Variants in CAMK2D observed in about 807,000 individuals in gnomAD.
CAMK2D encodes calcium/calmodulin dependent protein kinase II delta.
A neutral mutation model predicts 84.0 loss-of-function variants in CAMK2D; 37 were observed. The observed-to-expected ratio is 0.44, with a 90% confidence interval of 0.34 to 0.58. The LOEUF is 0.58. Ranked by LOEUF, CAMK2D falls within the 20% of genes least tolerant of loss-of-function variation. The pLI, the probability that CAMK2D is intolerant of heterozygous loss-of-function variation, is 0.02. For synonymous variants in CAMK2D, 202 were observed against 212.5 expected (o/e 0.95, Z 0.43); for missense variants, 448 against 652.5 (o/e 0.69, Z 3.41).
chr4:113,627,004 C>T (rs1015275996), intron 3 of CAMK2D, among the ~76,000 whole-genome samples: 1 of 152,024 alleles, frequency 6.6e-6, no homozygotes, highest in East Asian at 1.9e-4. Context: ...TAAGATTTTT[C>T]ATAGAGATTT....
chr4:113,719,803 G>GTACC (rs2099524823), intron 2 of CAMK2D, among the ~76,000 whole-genome samples: 1 of 152,064 alleles, frequency 6.6e-6, no homozygotes, highest in Non-Finnish European at 1.5e-5. Flanking sequence ...ATGAAGCCAA[G>GTACC]TACCTACTCA....
At chr4:113,509,580 T>TAAAG (rs1410288000) in intron 13 of CAMK2D, 58 bp downstream of exon 13, 2 of 1,075,990 alleles carry the variant, frequency 1.9e-6, no homozygotes, top group Admixed American at 3.5e-5. Context: ...ATATAACATT[T>TAAAG]AAAGATTATC....
At chr4:113,469,708 C>T (rs1188054516) in intron 16 of CAMK2D, among the ~76,000 whole-genome samples, 1 of 152,148 alleles carries the variant, frequency 6.6e-6, no homozygotes, top group Non-Finnish European at 1.5e-5. Context: ...CACTACAAGC[C>T]TGCTTGCTCT....
intron 8 of CAMK2D, among the ~76,000 whole-genome samples, chr4:113,520,903 C>T (rs1310532159): frequency 1.3e-5 from 2 of 152,072 alleles, no homozygotes; most frequent in Non-Finnish European, 2.9e-5. Flanking sequence ...GTGGAATGCA[C>T]AGCTAGTCCC....
At chr4:113,689,055 C>T (rs772813080) in intron 2 of CAMK2D, among the ~76,000 whole-genome samples, 31 of 151,648 alleles carry the variant, frequency 2.0e-4, no homozygotes, top group Non-Finnish European at 4.4e-4. Context: ...CCATCCTGGC[C>T]AACATGGTGA....
chr4:113,631,482 G>C (rs979281417), intron 3 of CAMK2D, among the ~76,000 whole-genome samples: 1 of 152,008 alleles, frequency 6.6e-6, no homozygotes, highest in Admixed American at 6.6e-5. Flanking sequence ...ATGAACATTC[G>C]CCCTTTAACT....
intron 2 of CAMK2D, among the ~76,000 whole-genome samples, chr4:113,756,266 T>C (rs943797661): frequency 6.6e-5 from 10 of 152,040 alleles, no homozygotes; most frequent in Non-Finnish European, 8.8e-5. Context: ...GGCAATTCCC[T>C]CATGGTCTTA....
At chr4:113,638,048 C>T (rs1441208262) in intron 3 of CAMK2D, among the ~76,000 whole-genome samples, 2 of 152,162 alleles carry the variant, frequency 1.3e-5, no homozygotes, top group Admixed American at 6.5e-5. Flanking sequence ...TAGTGCCTTC[C>T]AATTTGTAGC....
At chr4:113,585,545 C>T (rs1465179229) in intron 4 of CAMK2D, among the ~76,000 whole-genome samples, 2 of 151,942 alleles carry the variant, frequency 1.3e-5, no homozygotes, top group Admixed American at 1.3e-4. Flanking sequence ...CCTTTTTAAC[C>T]TTTTGAATCA....
chr4:113,492,491 A>C (rs1202966317), intron 16 of CAMK2D, among the ~76,000 whole-genome samples: 1 of 152,182 alleles, frequency 6.6e-6, no homozygotes, highest in Non-Finnish European at 1.5e-5. Context: ...GTTTGATTGC[A>C]CTGTGGTCTG....
intron 4 of CAMK2D, among the ~76,000 whole-genome samples, chr4:113,594,364 T>C (rs988149654): frequency 6.6e-6 from 1 of 152,116 alleles, no homozygotes; most frequent in African/African-American, 2.4e-5. Flanking sequence ...ATGCCCACCT[T>C]TCAATAAATA....
intron 3 of CAMK2D, among the ~76,000 whole-genome samples, chr4:113,622,056 C>T (rs79194410): frequency 0.012 from 1,819 of 152,166 alleles, 39 homozygotes; most frequent in African/African-American, 0.042. Context: ...AATTAACTTG[C>T]TATTGAGAAA....
In CAMK2D at chr4:113,722,139, G is replaced by GT. The variant is rs5861146; in HGVS notation, c.160+37180dup. Among the ~76,000 whole-genome samples, 3 of 152,088 alleles carry GT rather than the reference G, an allele frequency of 2.0e-5. 1 individual carries two copies. In the South Asian group the frequency reaches 6.2e-4, roughly 32 times the overall value. Reference sequence around the variant, plus strand: ...ACAAACTTAAGAGAGTATAGAAAAAGTTTTTTGCTTTTCTTCCCTACATTA... The same window carrying GT: ...ACAAACTTAAGAGAGTATAGAAAAAGTTTTTTTGCTTTTCTTCCCTACATTA... On this transcript the variant is annotated intron_variant, in intron 2 of 20. Transcript: ENST00000511664.
intron 2 of CAMK2D, among the ~76,000 whole-genome samples, chr4:113,669,458 G>A (rs189206330): frequency 1.9e-4 from 29 of 152,282 alleles, no homozygotes; most frequent in Admixed American, 9.8e-4. Context: ...GCATAATTGT[G>A]TAGAACAGGT....
At chr4:113,718,189 T>A (rs1562021457) in intron 2 of CAMK2D, among the ~76,000 whole-genome samples, 1 of 152,204 alleles carries the variant, frequency 6.6e-6, no homozygotes, top group Non-Finnish European at 1.5e-5. Context: ...ATCAGTCTTA[T>A]TTGAGTTGTA....
At chr4:113,481,260 T>G (rs1484167088) in intron 16 of CAMK2D, among the ~76,000 whole-genome samples, 1 of 152,128 alleles carries the variant, frequency 6.6e-6, no homozygotes, top group Non-Finnish European at 1.5e-5. Context: ...CCTCTACCAA[T>G]TAAATATTTA....
chr4:113,679,950 T>C (rs987456409), intron 2 of CAMK2D, among the ~76,000 whole-genome samples: 2 of 152,184 alleles, frequency 1.3e-5, no homozygotes, highest in East Asian at 1.9e-4. Flanking sequence ...TGTTTTAATA[T>C]GAAAATACAA....
At chr4:113,668,498 T>C (rs1413801305) in intron 2 of CAMK2D, among the ~76,000 whole-genome samples, 1 of 152,216 alleles carries the variant, frequency 6.6e-6, no homozygotes, top group Non-Finnish European at 1.5e-5. Context: ...ACTATTATCA[T>C]TATTATTGCT....
Position 113,727,470 on chromosome 4 carries a change from C to A in CAMK2D, c.160+31850G>T, listed in dbSNP as rs180703956. On this transcript the variant is annotated intron_variant, in intron 2 of 20. Transcript: ENST00000511664. The stretch of plus-strand genomic sequence containing the variant: ...AATGATGTTGGAACAACTGGACAAA[C>A]ATGAAAAAAAAAGAACTTTGCTCTT... 2.2e-3 allele frequency among the ~76,000 whole-genome samples: 334 copies of A among 151,360 alleles called. 2 individuals carry two copies. Among genetic ancestry groups the A allele is most frequent in the South Asian group, 2.7e-3 (13 of 4,792 alleles).
Sources: allele counts gnomAD v4.1 joint callset (sites outside exome capture counted in the v4.1 genomes callset), GRCh38; gene constraint gnomAD v4.1.1; transcripts MANE v1.5; gene names NCBI Gene and HGNC (gene_info 2026-07-23, HGNC 2026-07-21).